HPSE2: variants seen among roughly 807,000 people sequenced by gnomAD.
HPSE2 encodes inactive heparanase-2.
HPSE2 carries 38 observed loss-of-function variants against 60.5 expected under a neutral mutation model. The ratio of observed to expected loss-of-function variants is 0.63; its 90% CI spans 0.48 to 0.82. HPSE2 has a LOEUF of 0.82. Among genes scored for constraint, HPSE2 ranks in the 40% least tolerant of loss-of-function variants. HPSE2 has a pLI of 0.00. For synonymous variants in HPSE2, 295 were observed against 293.2 expected, an observed-to-expected ratio of 1.01 and a Z score of -0.06; for missense variants, 713 against 740.4, an observed-to-expected ratio of 0.96 and a Z score of 0.43.
intron 3 of HPSE2, among the ~76,000 whole-genome samples, chr10:99,075,301 G>A (rs951190316): frequency 8.6e-5 from 13 of 151,964 alleles, no homozygotes; most frequent in African/African-American, 2.7e-4. Flanking sequence ...CTCTTCAGGG[G>A]TATGCTGTTT....
chr10:98,862,127 G>A (rs1252523082), intron 3 of HPSE2, among the ~76,000 whole-genome samples: 5 of 152,166 alleles, frequency 3.3e-5, no homozygotes, highest in Non-Finnish European at 7.3e-5. Context: ...AGCTCAGATA[G>A]ATATCTCATT....
At chr10:98,689,700 C>T (rs1431277967) in intron 6 of HPSE2, among the ~76,000 whole-genome samples, 1 of 152,094 alleles carries the variant, frequency 6.6e-6, no homozygotes, top group Non-Finnish European at 1.5e-5. Context: ...TGATATACTA[C>T]AGAGATAGAA....
chr10:99,290,110 GA>G, the HPSE2 span, among the ~76,000 whole-genome samples: 2 of 152,108 alleles, frequency 1.3e-5, no homozygotes, highest in East Asian at 3.8e-4. Context: ...TTTAAATTAT[GA>G]AAATATATTT....
rs932205108 is a variant in HPSE2, at chr10:98,475,236, T to G, written c.1613+7400A>C. On this transcript the variant is annotated intron_variant, in intron 11 of 11. Transcript: ENST00000370552. ...GGGTTCATGCCATTCTCCTGCCTCA[T>G]CCTCCCGAGTAGCTGGAACTACAGG... 1.3e-5 allele frequency among the ~76,000 whole-genome samples: 2 copies of G among 151,578 alleles called. 1 individual carries two copies. Among genetic ancestry groups the G allele is most frequent in the African/African-American group, 4.8e-5 (2 of 41,244 alleles).
Position 99,003,350 on chromosome 10 carries a change from T to C in HPSE2, c.610+140888A>G, listed in dbSNP as rs145655310. Among the ~76,000 whole-genome samples, 276 of 152,214 alleles carry C rather than the reference T, an allele frequency of 1.8e-3. 4 individuals carry two copies. The Middle Eastern group carries it at 0.024, about 13-fold the overall frequency. ...ATGTCTTCAATATACTGAATTCATT[T>C]CCCTTGAATACCCATTAATGAGACT... On this transcript the variant is annotated intron_variant, in intron 3 of 11. Transcript: ENST00000370552.
upstream of HPSE2, among the ~76,000 whole-genome samples, chr10:99,239,150 ACT>A (rs1425129082): frequency 6.6e-6 from 1 of 151,952 alleles, no homozygotes; most frequent in Non-Finnish European, 1.5e-5. Context: ...CAAGAGCAAG[ACT>A]CTGTCTCAAA....
intron 3 of HPSE2, among the ~76,000 whole-genome samples, chr10:98,885,307 C>T (rs751677640): frequency 5.9e-5 from 9 of 152,092 alleles, no homozygotes; most frequent in Non-Finnish European, 1.0e-4. Flanking sequence ...AGGGAGTGGT[C>T]TCTTGAGATG....
At chr10:99,041,204 T>C (rs1472723262) in intron 3 of HPSE2, among the ~76,000 whole-genome samples, 1 of 152,088 alleles carries the variant, frequency 6.6e-6, no homozygotes, top group African/African-American at 2.4e-5. Context: ...AAGTAGCTAG[T>C]GCACACTGCT....
At chr10:98,947,042 A>C (rs368442594) in intron 3 of HPSE2, among the ~76,000 whole-genome samples, 16 of 152,074 alleles carry the variant, frequency 1.1e-4, no homozygotes, top group African/African-American at 3.6e-4. Context: ...TTCCAAGCAG[A>C]AGAGGAAAGT....
At chr10:99,002,775 AAAAT>A (rs1956805262) in intron 3 of HPSE2, among the ~76,000 whole-genome samples, 2 of 152,130 alleles carry the variant, frequency 1.3e-5, no homozygotes, top group African/African-American at 4.8e-5. Context: ...ATTTAATAGA[AAAAT>A]AAAAATTACA....
the HPSE2 span, among the ~76,000 whole-genome samples, chr10:99,254,896 T>C: frequency 6.6e-6 from 1 of 152,102 alleles, no homozygotes; most frequent in Non-Finnish European, 1.5e-5. Context: ...AAATAAGTGG[T>C]TGTCAGGAAT....
At chr10:98,956,522 C>G (rs554587069) in intron 3 of HPSE2, among the ~76,000 whole-genome samples, 54 of 152,272 alleles carry the variant, frequency 3.5e-4, no homozygotes, top group Admixed American at 2.0e-3. Context: ...ATCAGAGACT[C>G]AGGCTTTCCA....
Position 98,629,860 on chromosome 10 carries a change from G to A in HPSE2, c.1099-9152C>T, listed in dbSNP as rs533507726. On this transcript the variant is annotated intron_variant, in intron 7 of 11. Transcript: ENST00000370552. ...TAATTTAGTTCAAAACAAAAAGAGTGGATTCAAAGTTGTCATAACAATATT... is the reference window on the plus strand; with the variant it reads ...TAATTTAGTTCAAAACAAAAAGAGTAGATTCAAAGTTGTCATAACAATATT... Among the ~76,000 whole-genome samples the A allele has an allele frequency of 3.3e-5, 5 of 152,272 alleles. No individual in the cohort carries two copies. In the South Asian group the frequency reaches 8.3e-4, roughly 25 times the overall value.
At chr10:98,898,665 T>C (rs896294733) in intron 3 of HPSE2, among the ~76,000 whole-genome samples, 2 of 151,972 alleles carry the variant, frequency 1.3e-5, no homozygotes, top group African/African-American at 4.8e-5. Context: ...CACAATCCAT[T>C]TGACAAAAAA....
chr10:98,626,472 G>A (rs1946217380), intron 7 of HPSE2, among the ~76,000 whole-genome samples: 1 of 152,168 alleles, frequency 6.6e-6, no homozygotes. Flanking sequence ...GGCTCAGAGT[G>A]CAAGGTGAGA....
intron 6 of HPSE2, among the ~76,000 whole-genome samples, chr10:98,670,019 C>A (rs1947465837): frequency 6.6e-6 from 1 of 152,148 alleles, no homozygotes; most frequent in Non-Finnish European, 1.5e-5. Flanking sequence ...AGGAGTCATG[C>A]AGATTTCTAG....
At chr10:98,585,736 G>T (rs1944921737) in intron 9 of HPSE2, among the ~76,000 whole-genome samples, 1 of 151,672 alleles carries the variant, frequency 6.6e-6, no homozygotes, top group Admixed American at 6.6e-5. Context: ...TGGATCACCT[G>T]AAGTCAGGAA....
intron 3 of HPSE2, chr10:99,047,988 T>C: frequency 1.4e-6 from 1 of 707,978 alleles, no homozygotes; most frequent in Non-Finnish European, 2.6e-6. Flanking sequence ...CTTCATCAAG[T>C]CTTCAATGAA....
intron 3 of HPSE2, among the ~76,000 whole-genome samples, chr10:99,078,537 A>ATT (rs200641046): frequency 4.6e-4 from 70 of 151,630 alleles, no homozygotes; most frequent in African/African-American, 1.7e-3. Flanking sequence ...ATACAGATGC[A>ATT]TTTTTTTTTA....
Sources: allele counts gnomAD v4.1 joint callset (sites outside exome capture counted in the v4.1 genomes callset), GRCh38; gene constraint gnomAD v4.1.1; transcripts MANE v1.5; gene names NCBI Gene and HGNC (gene_info 2026-07-23, HGNC 2026-07-21).